The following EHMT1 variants were observed in gnomAD, a reference collection of about 807,000 sequenced individuals.
The protein encoded by EHMT1 is euchromatic histone lysine methyltransferase 1, also known as histone-lysine N-methyltransferase EHMT1.
In EHMT1, 15 loss-of-function variants were observed where a neutral mutation model predicts 147.2. That is an observed-to-expected ratio of 0.10 (90% CI 0.07 to 0.16). EHMT1 has a LOEUF of 0.16. Ranked by LOEUF, EHMT1 falls within the 10% of genes least tolerant of loss-of-function variation. The pLI is 1.00. For synonymous variants in EHMT1, 795 were observed against 709.6 expected (o/e 1.12, Z -1.91); for missense variants, 1,587 against 1,772.4 (o/e 0.90, Z 1.88).
Position 137,764,601 on chromosome 9 carries a change from A to G in EHMT1, c.1647+1781A>G, listed in dbSNP as rs1217923911. The G allele has an allele frequency of 2.0e-5, 3 of 152,316 alleles. No homozygotes were observed. In the South Asian group the frequency reaches 6.2e-4, roughly 32 times the overall value. The allele number at this position is 152,316 out of a possible 1,614,324, so 9.4% of individuals were successfully genotyped here. A position where few individuals can be genotyped will look rare whatever the true frequency, so the allele number is the denominator to read the frequency against. Reference sequence around the variant, plus strand: ...TTTCTATTAAGATCAAAAATGGACCATTGTCTCACATAACAGCAATGCTTT... The same window carrying G: ...TTTCTATTAAGATCAAAAATGGACCGTTGTCTCACATAACAGCAATGCTTT... On this transcript the variant is annotated intron_variant, in intron 10 of 26. Coordinates refer to ENST00000460843, the MANE Select transcript of EHMT1 (RefSeq NM_024757.5).
Position 137,815,953 on chromosome 9 carries a change from C to T in EHMT1, c.3265C>T (p.Arg1089Trp), listed in dbSNP as rs767164261. ...GCTGCTCATCTGTCCACAGGATGGC[C>T]GGCTCCTGCCAGAGTTCAACATGGC... is the stretch of plus-strand genomic sequence containing the variant. ...SMRCWYDKDG[R>W]LLPEFNMAEP... is the part of the protein sequence containing the mutation. The change falls in exon 23 of 27, where the codon CGG becomes TGG. Residue 1089 changes from arginine to tryptophan, a missense_variant. Transcript: ENST00000460843. The T allele has an allele frequency of 6.2e-7, 1 of 1,604,152 alleles. No homozygotes were observed. Among genetic ancestry groups the T allele is most frequent in the South Asian group, 1.1e-5 (1 of 89,068 alleles).
At chr9:137,808,632 T>C (rs1044164106) in intron 18 of EHMT1, among the ~76,000 whole-genome samples, 1 of 129,272 alleles carries the variant, frequency 7.7e-6, no homozygotes, top group African/African-American at 2.9e-5. Flanking sequence ...GGAAGGATCT[T>C]ATGTGAACTG....
At chr9:137,687,248 T>G (rs10732688) in intron 1 of EHMT1, among the ~76,000 whole-genome samples, 47,241 of 152,006 alleles carry the variant, frequency 0.31, 7,537 homozygotes, top group Admixed American at 0.39. Context: ...AATGGGAAAA[T>G]GTGAGTCCTC....
At chr9:137,745,110 A>T (rs1948436369) in intron 6 of EHMT1, among the ~76,000 whole-genome samples, 1 of 152,262 alleles carries the variant, frequency 6.6e-6, no homozygotes, top group Non-Finnish European at 1.5e-5. Context: ...CAAAACTAAC[A>T]GTAGGAATAG....
intron 6 of EHMT1, among the ~76,000 whole-genome samples, chr9:137,751,569 G>C (rs1948970760): frequency 6.6e-6 from 1 of 152,202 alleles, no homozygotes; most frequent in South Asian, 2.1e-4. Context: ...CCGGGCACAG[G>C]GTGGACGGAG....
At chr9:137,623,326 C>T (rs1290839681) in intron 1 of EHMT1, among the ~76,000 whole-genome samples, 8 of 152,150 alleles carry the variant, frequency 5.3e-5, no homozygotes. Flanking sequence ...TGTTTATTCC[C>T]TCCTGGTGAT....
At chr9:137,769,710 G>A (rs987456112) in intron 10 of EHMT1, among the ~76,000 whole-genome samples, 3 of 152,136 alleles carry the variant, frequency 2.0e-5, no homozygotes, top group African/African-American at 7.2e-5. Context: ...GGGTTTTGTT[G>A]TTTTGTTTTG....
chr9:137,825,179 C>T (rs1245532118), intron 25 of EHMT1, among the ~76,000 whole-genome samples: 6 of 152,186 alleles, frequency 3.9e-5, no homozygotes, highest in Non-Finnish European at 5.9e-5. Context: ...AGGAGAATGT[C>T]GGGGCTTTGC....
At chr9:137,701,213 C>T (rs909504475) in intron 1 of EHMT1, among the ~76,000 whole-genome samples, 2 of 152,044 alleles carry the variant, frequency 1.3e-5, no homozygotes, top group African/African-American at 4.8e-5. Context: ...GGTGGGGACA[C>T]AGAGCAAACC....
intron 1 of EHMT1, among the ~76,000 whole-genome samples, chr9:137,703,515 T>C (rs961771370): frequency 6.6e-6 from 1 of 152,208 alleles, no homozygotes; most frequent in Non-Finnish European, 1.5e-5. Flanking sequence ...TTCCACCACA[T>C]ACCCTAAATC....
chr9:137,777,343 TAAG>T (rs767186461), intron 12 of EHMT1: 67 of 194,670 alleles, frequency 3.4e-4, no homozygotes, highest in South Asian at 9.4e-4. Context: ...GAGGATCTGA[TAAG>T]AAGAGATAGA....
intron 1 of EHMT1, among the ~76,000 whole-genome samples, chr9:137,681,270 C>T (rs1368012917): frequency 1.4e-4 from 22 of 152,114 alleles, no homozygotes; most frequent in South Asian, 4.1e-4. Context: ...GTGTTTTTGC[C>T]GCGTGTCTGT....
At chr9:137,638,287 T>C (rs1844228601) in intron 1 of EHMT1, 1 of 152,158 alleles carries the variant, frequency 6.6e-6, no homozygotes. Context: ...ATTTTTTGCA[T>C]TTTTAGGAGA....
At chr9:137,643,010 G>T (rs1420938670) in intron 1 of EHMT1, among the ~76,000 whole-genome samples, 1 of 152,104 alleles carries the variant, frequency 6.6e-6, no homozygotes, top group Non-Finnish European at 1.5e-5. Context: ...CTCCCGAGTA[G>T]TTGGGACTAT....
chr9:137,735,173 G>A (rs1247655743), intron 4 of EHMT1, among the ~76,000 whole-genome samples: 1 of 152,178 alleles, frequency 6.6e-6, no homozygotes, highest in Admixed American at 6.5e-5. Context: ...CATAACAAGA[G>A]ACTAATGCAT....
chr9:137,817,828 G>A, intron 24 of EHMT1: 1 of 624,532 alleles, frequency 1.6e-6, no homozygotes, highest in Non-Finnish European at 2.8e-6. Context: ...GACCATTCTG[G>A]GTTCTCAGGT....
intron 3 of EHMT1, among the ~76,000 whole-genome samples, chr9:137,717,459 A>G (rs1564631479): frequency 6.6e-6 from 1 of 151,904 alleles, no homozygotes; most frequent in Non-Finnish European, 1.5e-5. Flanking sequence ...AAAATGCAAA[A>G]ATTAACTGGG....
intron 1 of EHMT1, among the ~76,000 whole-genome samples, chr9:137,670,158 G>T (rs1231046446): frequency 6.6e-6 from 1 of 152,132 alleles, no homozygotes; most frequent in Non-Finnish European, 1.5e-5. Flanking sequence ...CCGCGCCTGG[G>T]CTGAAAAAAG....
chr9:137,643,930 C>A lies in EHMT1; in HGVS notation c.21+24881C>A, dbSNP rs572824936. On this transcript the variant is annotated intron_variant, in intron 1 of 26. Coordinates refer to ENST00000460843, the MANE Select transcript of EHMT1 (RefSeq NM_024757.5). The stretch of plus-strand genomic sequence containing the variant: ...TTTGTGATGAGTACTTCATCTGCAG[C>A]ATGCGTTGTCTTCTCACCCCTGTCT... Among the ~76,000 whole-genome samples the A allele has an allele frequency of 4.5e-4, 69 of 152,338 alleles. 1 individual carries two copies. Among genetic ancestry groups the A allele is most frequent in the Non-Finnish European group, 1.2e-4 (8 of 68,020 alleles).
Sources: gnomAD v4.1 joint callset for allele counts (sites outside exome capture counted in the v4.1 genomes callset) on GRCh38, gnomAD v4.1.1 for gene constraint, MANE v1.5 for transcripts, NCBI Gene and HGNC (gene_info 2026-07-23, HGNC 2026-07-21) for gene names.